The following RLF variants were observed in gnomAD, a reference collection of about 807,000 sequenced individuals.
The protein encoded by RLF is zinc finger protein Rlf.
RLF carries 7 observed loss-of-function variants against 162.9 expected under a neutral mutation model. The observed-to-expected ratio is 0.04, with a 90% CI of 0.02 to 0.08. The LOEUF is 0.08. Among genes scored for constraint, RLF ranks in the 10% least tolerant of loss-of-function variants. The pLI, the probability that RLF is intolerant of heterozygous loss-of-function variation, is 1.00. For missense variants in RLF, 1,664 were observed against 2,244.7 expected (o/e 0.74, Z 5.23); for synonymous variants, 782 against 791.5 (o/e 0.99, Z 0.20).
chr1:40,232,481 T>C (rs1302684624), intron 7 of RLF, among the ~76,000 whole-genome samples: 1 of 152,218 alleles, frequency 6.6e-6, no homozygotes, highest in Admixed American at 6.5e-5. Context: ...TTTGCCAGGC[T>C]AAGTTCTATC....
intron 1 of RLF, among the ~76,000 whole-genome samples, chr1:40,172,179 C>G (rs1163484714): frequency 6.6e-6 from 1 of 151,276 alleles, no homozygotes; most frequent in East Asian, 1.9e-4. Context: ...AAAAGCACTT[C>G]TTGTGGCAAA....
chr1:40,237,646 C>T lies in RLF; in HGVS notation c.2944C>T (p.His982Tyr), dbSNP rs184940585. 17 of 1,614,098 alleles carry T rather than the reference C, an allele frequency of 1.1e-5. No individual in the cohort carries two copies. The highest frequency in any genetic ancestry group is 1.6e-4 in the Middle Eastern group (1 of 6,062). ...ACATTTACGGAAGGTTCATCCATAC[C>T]ATTTCAAGCCCAAAAAGATAAAGAC... The part of the protein sequence containing the change: ...QKHLRKVHPY[H>Y]FKPKKIKTKD... Residue 982 changes from histidine to tyrosine, a missense_variant, in exon 8 of 8, where the codon CAT becomes TAT. Around this residue, in one of 15 missense-constraint regions of RLF, gnomAD observed 295 missense variants for 317.4 expected, o/e 0.93. Transcript: ENST00000372771. The surrounding 1 kb of genome is among the most constrained non-coding windows in gnomAD (Gnocchi z 4.4).
chr1:40,198,904 A>G (rs1005073608), intron 4 of RLF, among the ~76,000 whole-genome samples: 1 of 152,254 alleles, frequency 6.6e-6, no homozygotes, highest in African/African-American at 2.4e-5. Context: ...AAGAAATTCA[A>G]AGATTGATAT....
rs764023819 is a variant in RLF, at chr1:40,220,120, C to CG, written c.811-2448dup. On this transcript the variant is annotated intron_variant, in intron 5 of 7. Coordinates refer to ENST00000372771, the MANE Select transcript of RLF (RefSeq NM_012421.4). Reference sequence around the variant, plus strand: ...GCGTGGTGTAGTAATCCCAGCTACTCGGGGGGCTGAGACAGGAGAATCACT... The same window carrying CG: ...GCGTGGTGTAGTAATCCCAGCTACTCGGGGGGGCTGAGACAGGAGAATCACT... Among the ~76,000 whole-genome samples the CG allele has an allele frequency of 9.9e-5, 15 of 152,060 alleles. 1 individual carries two copies. Among genetic ancestry groups the CG allele is most frequent in the East Asian group, 3.9e-4 (2 of 5,166 alleles).
intron 1 of RLF, among the ~76,000 whole-genome samples, chr1:40,173,002 T>C (rs767903549): frequency 2.6e-5 from 4 of 152,126 alleles, no homozygotes; most frequent in Admixed American, 6.5e-5. Context: ...ATTAAACTTA[T>C]TAATATTTGA....
chr1:40,173,514 ATTT>A (rs34760861), intron 1 of RLF, among the ~76,000 whole-genome samples: 1 of 142,570 alleles, frequency 7.0e-6, no homozygotes. Flanking sequence ...TGATCATGTA[ATTT>A]TTTTTTTTTT....
intron 7 of RLF, 131 bp downstream of exon 7, chr1:40,231,789 C>G (rs1643154364): frequency 1.3e-6 from 1 of 781,694 alleles, no homozygotes; most frequent in East Asian, 2.8e-5. Flanking sequence ...TGGAATTGAC[C>G]ACATCTGACT....
chr1:40,165,111 C>G (rs1642147604), intron 1 of RLF, among the ~76,000 whole-genome samples: 1 of 152,120 alleles, frequency 6.6e-6, no homozygotes, highest in South Asian at 2.1e-4. Context: ...AAGAAAATAT[C>G]TATTTTTAAA....
At chr1:40,164,093 A>G (rs541653701) in intron 1 of RLF, among the ~76,000 whole-genome samples, 2 of 152,354 alleles carry the variant, frequency 1.3e-5, no homozygotes, top group Admixed American at 1.3e-4. Flanking sequence ...CCTAGTTAAG[A>G]CAGTTTTCTC....
chr1:40,167,273 T>C (rs1352859711), intron 1 of RLF, among the ~76,000 whole-genome samples: 1 of 152,216 alleles, frequency 6.6e-6, no homozygotes, highest in Non-Finnish European at 1.5e-5. Flanking sequence ...CTCTTGAGCC[T>C]TACCTCTTTC....
chr1:40,237,049 A>C lies in RLF; in HGVS notation c.2347A>C (p.Ser783Arg). ...ATTAAATGGCTGTAATATTGTTTTCAGTGACTTGGGACAGCTTTACCACCA... is the reference window on the plus strand; with the variant it reads ...ATTAAATGGCTGTAATATTGTTTTCCGTGACTTGGGACAGCTTTACCACCA... ...CELNGCNIVF[S>R]DLGQLYHHEA... Residue 783 changes from serine to arginine, a missense_variant, in exon 8 of 8, where the codon AGT becomes CGT. Physicochemically the swap from Ser to Arg is moderately radical, Grantham distance 110. Around this residue, in one of 15 missense-constraint regions of RLF, gnomAD observed 69 missense variants for 206.4 expected, o/e 0.33. Coordinates refer to ENST00000372771, the MANE Select transcript of RLF (RefSeq NM_012421.4). This position sits in a 1 kb window ranked among gnomAD's most constrained non-coding sequence, Gnocchi z 4.4. The C allele has an allele frequency of 6.2e-7, 1 of 1,614,176 alleles. No homozygotes were observed. Among genetic ancestry groups the C allele is most frequent in the Non-Finnish European group, 8.5e-7 (1 of 1,180,012 alleles).
intron 6 of RLF, among the ~76,000 whole-genome samples, chr1:40,224,877 C>T (rs1310191104): frequency 1.3e-5 from 2 of 151,542 alleles, no homozygotes; most frequent in African/African-American, 4.8e-5. Context: ...ATCCCAGCTA[C>T]TCGGGAGCCT....
chr1:40,236,582 G>T lies in RLF; in HGVS notation c.1880G>T (p.Gly627Val). The T allele has an allele frequency of 1.2e-6, 2 of 1,614,088 alleles. No individual in the cohort carries two copies. Among genetic ancestry groups the T allele is most frequent in the South Asian group, 2.2e-5 (2 of 91,076 alleles). Residue 627 changes from glycine (G) to valine (V), a missense_variant, in exon 8 of 8, where the codon GGT (glycine) becomes GTT (valine). This residue lies in a region of RLF where 50 missense variants were observed against 46.7 expected (regional missense o/e 1.07). Coordinates refer to ENST00000372771, the MANE Select transcript of RLF (RefSeq NM_012421.4). This position sits in a 1 kb window ranked among gnomAD's most constrained non-coding sequence, Gnocchi z 7.7. ...TTACTGTTAAAAGGCTCTCAAAAGG[G>T]TATTTGTCCTAAGAGCCCCTCTGCA... ...KKLLLKGSQK[G>V]ICPKSPSAIP...
chr1:40,237,955 T>C lies in RLF; in HGVS notation c.3253T>C (p.Leu1085=), dbSNP rs1262348324. ...SITHGSFSGS[L]QGYPSSGAKS... is the part of the protein sequence containing the mutation. The stretch of plus-strand genomic sequence containing the variant: ...AACACATGGATCTTTCTCAGGGTCA[T>C]TGCAGGGGTACCCATCCAGTGGTGC... Residue 1085 remains leucine (L), a synonymous_variant, in exon 8 of 8, where the codon TTG becomes CTG. Transcript: ENST00000372771. This position sits in a 1 kb window ranked among gnomAD's most constrained non-coding sequence, Gnocchi z 4.4. The C allele has an allele frequency of 6.2e-7, 1 of 1,614,132 alleles. No homozygotes were observed. The highest frequency in any genetic ancestry group is 1.7e-5 in the Admixed American group (1 of 60,014).
intron 6 of RLF, among the ~76,000 whole-genome samples, chr1:40,226,202 C>T (rs1643069947): frequency 6.6e-6 from 1 of 152,120 alleles, no homozygotes; most frequent in Non-Finnish European, 1.5e-5. Context: ...ATTTATTAAT[C>T]TTGACCCCAA....
chr1:40,239,223 CAGG>C lies in RLF; in HGVS notation c.4524_4526del (p.Arg1509del), dbSNP rs866420910. 6.2e-7 allele frequency: 1 copy of C among 1,614,004 alleles called. No individual in the cohort carries two copies. The highest frequency in any genetic ancestry group is 1.3e-5 in the African/African-American group (1 of 74,912). ...CTCAGGGGCATGAACATCAGACCAC[CAGG>C]AGATCATTTAATGCTAAGTCTAAAA... On this transcript the variant is annotated inframe_deletion, in exon 8 of 8. Transcript: ENST00000372771.
chr1:40,240,208 A>C lies in RLF; in HGVS notation c.5506A>C (p.Ile1836Leu). 6.2e-7 allele frequency: 1 copy of C among 1,614,176 alleles called. No individual in the cohort carries two copies. The highest frequency in any genetic ancestry group is 8.5e-7 in the Non-Finnish European group (1 of 1,180,024). ...DIPHSSSDST[I>L]HENLTAIPPL... is the part of the protein sequence containing the mutation. ...ACCTCATTCTTCCAGTGACTCTACAATTCATGAGAACCTGACTGCAATCCC... is the reference window on the plus strand; with the variant it reads ...ACCTCATTCTTCCAGTGACTCTACACTTCATGAGAACCTGACTGCAATCCC... The change falls in exon 8 of 8, where the codon ATT becomes CTT. Residue 1836 changes from isoleucine to leucine, a missense_variant. Physicochemically the swap from Ile to Leu is conservative, Grantham distance 5. Coordinates refer to ENST00000372771, the MANE Select transcript of RLF (RefSeq NM_012421.4).
At chr1:40,196,319 GC>G (rs1642635833) in intron 4 of RLF, among the ~76,000 whole-genome samples, 1 of 152,070 alleles carries the variant, frequency 6.6e-6, no homozygotes, top group Non-Finnish European at 1.5e-5. Flanking sequence ...TGATCCACCT[GC>G]CTTGGCCTCC....
At chr1:40,165,451 A>G (rs977443177) in intron 1 of RLF, among the ~76,000 whole-genome samples, 4 of 152,004 alleles carry the variant, frequency 2.6e-5, no homozygotes, top group Non-Finnish European at 5.9e-5. Flanking sequence ...TTTCCCTTTC[A>G]TTGTGTGGTT....
Sources: allele counts gnomAD v4.1 joint callset (sites outside exome capture counted in the v4.1 genomes callset), GRCh38; gene constraint gnomAD v4.1.1; regional missense constraint gnomAD v4.1.1; non-coding constraint Gnocchi (gnomAD v3.1); transcripts MANE v1.5; gene names NCBI Gene and HGNC (gene_info 2026-07-23, HGNC 2026-07-21).